The following CNTN4 variants were observed in gnomAD, a reference collection of about 807,000 sequenced individuals.
CNTN4 encodes contactin 4.
Under a neutral mutation model 122.5 loss-of-function variants are expected in CNTN4, and 77 were observed. The observed-to-expected ratio is 0.63, with a 90% CI of 0.52 to 0.76. The LOEUF (loss-of-function observed/expected upper bound fraction) is 0.76. Among genes scored for constraint, CNTN4 ranks in the 30% least tolerant of loss-of-function variants. The pLI is 0.00. For missense variants in CNTN4, 1,256 were observed against 1,259.1 expected, an observed-to-expected ratio of 1.00 and a Z score of 0.04; for synonymous variants, 512 against 447.0, an observed-to-expected ratio of 1.15 and a Z score of -1.83.
intron 3 of CNTN4, among the ~76,000 whole-genome samples, chr3:2,545,924 A>G (rs1185256820): frequency 6.6e-6 from 1 of 152,124 alleles, no homozygotes; most frequent in African/African-American, 2.4e-5. Context: ...AATGCTCAAC[A>G]TCACTAATCA....
chr3:2,688,621 C>G (rs1163113179), intron 4 of CNTN4, among the ~76,000 whole-genome samples: 1 of 152,200 alleles, frequency 6.6e-6, no homozygotes, highest in Non-Finnish European at 1.5e-5. Context: ...CATATCAGTG[C>G]AGACAGCTTG....
chr3:2,880,507 G>A (rs1230577041), intron 8 of CNTN4, among the ~76,000 whole-genome samples: 1 of 152,194 alleles, frequency 6.6e-6, no homozygotes, highest in Non-Finnish European at 1.5e-5. Context: ...TTGTTAGCAA[G>A]TTCAACAGCT....
At chr3:2,354,672 A>G (rs2044793105) in intron 3 of CNTN4, among the ~76,000 whole-genome samples, 1 of 152,210 alleles carries the variant, frequency 6.6e-6, no homozygotes, top group South Asian at 2.1e-4. Flanking sequence ...AGAGTCTGAT[A>G]TTAGCAGCAG....
chr3:2,202,769 T>C (rs1346924755), intron 2 of CNTN4, among the ~76,000 whole-genome samples: 2 of 152,098 alleles, frequency 1.3e-5, no homozygotes, highest in Non-Finnish European at 2.9e-5. Flanking sequence ...GCTGTTTCCC[T>C]ATTATTAGGT....
intron 3 of CNTN4, among the ~76,000 whole-genome samples, chr3:2,456,273 C>T (rs2048996248): frequency 6.6e-6 from 1 of 152,120 alleles, no homozygotes; most frequent in African/African-American, 2.4e-5. Flanking sequence ...TCCTCCTCTC[C>T]CTTCTTTTCC....
rs1265661299 is a variant in CNTN4 at position 3,026,246 on chromosome 3, G to C, written c.1631G>C (p.Arg544Thr). ...AATGGACACCTGATAGACTTTGACA[G>C]AGATGGGGACCACTTTGAAAGAGTT... ...SFNGHLIDFD[R>T]DGDHFERVGG... The change falls in exon 15 of 25, where the codon AGA (arginine) becomes ACA (threonine). Residue 544 changes from arginine to threonine, a missense_variant. Coordinates refer to ENST00000418658, the MANE Select transcript of CNTN4 (RefSeq NM_175607.3). 6.2e-7 allele frequency: 1 copy of C among 1,613,492 alleles called. No homozygotes were observed. Among genetic ancestry groups the C allele is most frequent in the South Asian group, 1.1e-5 (1 of 91,068 alleles).
chr3:2,247,391 C>T (rs1575166299), intron 2 of CNTN4, among the ~76,000 whole-genome samples: 2 of 151,968 alleles, frequency 1.3e-5, no homozygotes, highest in East Asian at 3.9e-4. Flanking sequence ...TTCTGCTTCC[C>T]TAAGAAGGTT....
intron 6 of CNTN4, among the ~76,000 whole-genome samples, chr3:2,757,246 C>G (rs1035385820): frequency 6.6e-6 from 1 of 152,088 alleles, no homozygotes; most frequent in Non-Finnish European, 1.5e-5. Context: ...TAACCTTTCC[C>G]TTTCCCGGGT....
intron 7 of CNTN4, among the ~76,000 whole-genome samples, chr3:2,821,855 C>T (rs570959344): frequency 1.6e-4 from 25 of 152,312 alleles, no homozygotes; most frequent in African/African-American, 6.0e-4. Flanking sequence ...TTCAGTTTGA[C>T]TTTCCACATG....
Position 2,588,054 on chromosome 3 carries a change from T to G in CNTN4, c.55+16496T>G, listed in dbSNP as rs770207883. ...TACGCTCCCTGTATTATTATTCTCT[T>G]TAATTTTTTATTAATTATGTTTTTT... On this transcript the variant is annotated intron_variant, in intron 4 of 24. Transcript: ENST00000418658. Among the ~76,000 whole-genome samples the G allele has an allele frequency of 2.1e-4, 32 of 152,206 alleles. 1 individual carries two copies. Among genetic ancestry groups the G allele is most frequent in the African/African-American group, 7.5e-4 (31 of 41,568 alleles).
intron 2 of CNTN4, among the ~76,000 whole-genome samples, chr3:2,276,657 C>G (rs2041521916): frequency 1.3e-5 from 2 of 152,124 alleles, no homozygotes; most frequent in South Asian, 4.1e-4. Context: ...GTCATTTGCT[C>G]TTTTAAAATC....
chr3:2,315,209 A>AT lies in CNTN4; in HGVS notation c.-144-23959dup, dbSNP rs34866286. ...ATATCATTGAGCATAAATCAGCTCC[A>AT]TTTTTTTTTTGCACGCTATAATAAG... On this transcript the variant is annotated intron_variant, in intron 2 of 24. Coordinates refer to ENST00000418658, the MANE Select transcript of CNTN4 (RefSeq NM_175607.3). Among the ~76,000 whole-genome samples the AT allele has an allele frequency of 1.3e-3, 201 of 150,602 alleles. 1 individual carries two copies. The highest frequency in any genetic ancestry group is 4.2e-3 in the African/African-American group (173 of 41,040).
chr3:2,343,981 C>T (rs187055218), intron 3 of CNTN4, among the ~76,000 whole-genome samples: 9 of 152,084 alleles, frequency 5.9e-5, no homozygotes, highest in Admixed American at 3.3e-4. Context: ...AAGAGAGAGG[C>T]GAATCTCTTT....
chr3:2,952,915 G>T (rs7615907), intron 13 of CNTN4, among the ~76,000 whole-genome samples: 1,825 of 152,254 alleles, frequency 0.012, 33 homozygotes, highest in African/African-American at 0.041. Context: ...TATGTGCTAG[G>T]TATTTTACAT....
At chr3:2,630,431 C>A (rs2082379400) in intron 4 of CNTN4, among the ~76,000 whole-genome samples, 2 of 152,040 alleles carry the variant, frequency 1.3e-5, no homozygotes. Flanking sequence ...AGATTGAGAC[C>A]CTGTCTCAAA....
At chr3:2,146,231 T>C (rs1419091822) in intron 2 of CNTN4, among the ~76,000 whole-genome samples, 1 of 151,228 alleles carries the variant, frequency 6.6e-6, no homozygotes, top group Non-Finnish European at 1.5e-5. Context: ...TGACTTCTAT[T>C]AATTCAGTCA....
At chr3:2,191,816 G>A (rs1357424196) in intron 2 of CNTN4, among the ~76,000 whole-genome samples, 3 of 151,914 alleles carry the variant, frequency 2.0e-5, no homozygotes, top group African/African-American at 7.3e-5. Flanking sequence ...TGCCATGTTG[G>A]TGTGCTGCAC....
chr3:2,490,850 T>C (rs1223550701), intron 3 of CNTN4, among the ~76,000 whole-genome samples: 2 of 152,156 alleles, frequency 1.3e-5, no homozygotes, highest in Non-Finnish European at 2.9e-5. Context: ...AAACTTCAGC[T>C]GAAATGAAAA....
chr3:3,019,698 C>T (rs531511002), intron 14 of CNTN4, among the ~76,000 whole-genome samples: 1 of 145,108 alleles, frequency 6.9e-6, no homozygotes, highest in Admixed American at 6.9e-5. Context: ...ATGTGTGTGT[C>T]TGTGTGTGTG....
Sources: allele counts gnomAD v4.1 joint callset (sites outside exome capture counted in the v4.1 genomes callset), GRCh38; gene constraint gnomAD v4.1.1; transcripts MANE v1.5; gene names NCBI Gene and HGNC (gene_info 2026-07-23, HGNC 2026-07-21).